Variants in FBXO40 observed in about 807,000 individuals in gnomAD.
The protein encoded by FBXO40 is F-box only protein 40.
Under a neutral mutation model 49.9 loss-of-function variants are expected in FBXO40, and 50 were observed. The observed-to-expected ratio is 1.00, with a 90% CI of 0.80 to 1.27. The LOEUF (loss-of-function observed/expected upper bound fraction) is 1.27. Among genes scored for constraint, FBXO40 ranks in the 50% most tolerant of loss-of-function variants. The pLI, the probability that FBXO40 is intolerant of heterozygous loss-of-function variation, is 0.00. For missense variants in FBXO40, 895 were observed against 870.1 expected (o/e 1.03, Z -0.36); for synonymous variants, 340 against 320.2 (o/e 1.06, Z -0.66).
rs2049041915 is a variant in FBXO40, at chr3:121,622,913, T to C, written c.1484T>C (p.Val495Ala). The C allele has an allele frequency of 3.1e-6, 5 of 1,614,076 alleles. No individual in the cohort carries two copies. Among genetic ancestry groups the C allele is most frequent in the African/African-American group, 1.3e-5 (1 of 74,930 alleles). Residue 495 changes from valine to alanine, a missense_variant, in exon 3 of 4, where the codon GTC becomes GCC. Val to Ala is a moderately conservative substitution (Grantham distance 64). Coordinates refer to ENST00000338040, the MANE Select transcript of FBXO40 (RefSeq NM_016298.4). ...RDEFPLHFKN[V>A]HTDIQSCLNG... Reference sequence around the variant, plus strand: ...GAGTTCCCCCTGCACTTCAAGAATGTCCACACAGACATTCAGTCATGTCTC... The same window carrying C: ...GAGTTCCCCCTGCACTTCAAGAATGCCCACACAGACATTCAGTCATGTCTC...
At chr3:121,618,386 G>GTTTTT (rs34900150) in intron 1 of FBXO40, among the ~76,000 whole-genome samples, 2 of 120,264 alleles carry the variant, frequency 1.7e-5, no homozygotes, top group African/African-American at 3.2e-5. Context: ...TTTCCTTCTT[G>GTTTTT]TTTTTTTTTT....
chr3:121,626,981 T>C lies in FBXO40; in HGVS notation c.*71T>C. The stretch of plus-strand genomic sequence containing the variant: ...AGTTCCTGAAGTAGGACAGAGTGTG[T>C]GGTTTTGAGGACTCCCTTCTGTAAA... On this transcript the variant is annotated 3_prime_UTR_variant, in exon 4 of 4. Coordinates refer to ENST00000338040, the MANE Select transcript of FBXO40 (RefSeq NM_016298.4). The C allele has an allele frequency of 1.4e-6, 2 of 1,464,628 alleles. No homozygotes were observed. The highest frequency in any genetic ancestry group is 9.5e-7 in the Non-Finnish European group (1 of 1,053,592). The allele number at this position is 1,464,628 out of a possible 1,614,324, so 90.7% of individuals were successfully genotyped here. A position where few individuals can be genotyped will look rare whatever the true frequency, so the allele number is the denominator to read the frequency against.
intron 1 of FBXO40, among the ~76,000 whole-genome samples, chr3:121,604,275 T>C (rs1187550136): frequency 6.6e-6 from 1 of 152,192 alleles, no homozygotes; most frequent in Non-Finnish European, 1.5e-5. Flanking sequence ...GGTCTGTAGG[T>C]TTGTAGGTCA....
chr3:121,615,611 C>G (rs1176675511), intron 1 of FBXO40, among the ~76,000 whole-genome samples: 5 of 148,826 alleles, frequency 3.4e-5, no homozygotes, highest in Non-Finnish European at 6.0e-5. Flanking sequence ...TATAAGGAAA[C>G]TATAAGGAGC....
At position 121,628,806 on chromosome 3, in the gene FBXO40, C is replaced by A. The variant is rs183181961; in HGVS notation, c.*1896C>A. 6.6e-6 allele frequency: 1 copy of A among 152,154 alleles called. No homozygotes were observed. Among genetic ancestry groups the A allele is most frequent in the African/African-American group, 2.4e-5 (1 of 41,442 alleles). 9.4% of individuals were successfully genotyped at this position (152,154 alleles called of 1,614,324 possible). A position where few individuals can be genotyped will look rare whatever the true frequency, so the allele number is the denominator to read the frequency against. ...AGTTGGGAACCAGAAGGAAATGATTCGTTTGGTATGGCTTCATGTCCTTCA... is the reference window on the plus strand; with the variant it reads ...AGTTGGGAACCAGAAGGAAATGATTAGTTTGGTATGGCTTCATGTCCTTCA... On this transcript the variant is annotated 3_prime_UTR_variant, in exon 4 of 4. Transcript: ENST00000338040.
In FBXO40 at chr3:121,627,951, C is replaced by T. The variant is rs951438337; in HGVS notation, c.*1041C>T. ...CCCATTGGGGTCTTGGAGAGGAAGACATGTGAACATAACGGCTCCCTGAAA... is the reference window on the plus strand; with the variant it reads ...CCCATTGGGGTCTTGGAGAGGAAGATATGTGAACATAACGGCTCCCTGAAA... On this transcript the variant is annotated 3_prime_UTR_variant, in exon 4 of 4. Coordinates refer to ENST00000338040, the MANE Select transcript of FBXO40 (RefSeq NM_016298.4). 3.8e-5 allele frequency: 15 copies of T among 398,520 alleles called. No homozygotes were observed. The highest frequency in any genetic ancestry group is 6.2e-5 in the Non-Finnish European group (14 of 226,094). The allele number at this position is 398,520 out of a possible 1,614,324, so 24.7% of individuals were successfully genotyped here. A position where few individuals can be genotyped will look rare whatever the true frequency, so the allele number is the denominator to read the frequency against.
At chr3:121,606,748 C>T (rs1576451383) in intron 1 of FBXO40, among the ~76,000 whole-genome samples, 1 of 152,166 alleles carries the variant, frequency 6.6e-6, no homozygotes, top group Non-Finnish European at 1.5e-5. Flanking sequence ...ATAGAGATAG[C>T]CAGGTCTCTG....
chr3:121,597,866 T>C (rs1320065895), intron 1 of FBXO40, among the ~76,000 whole-genome samples: 1 of 152,078 alleles, frequency 6.6e-6, no homozygotes, highest in African/African-American at 2.4e-5. Flanking sequence ...TTTCTCCATG[T>C]TGGCCAGGCT....
At chr3:121,615,200 C>CAAAAA (rs11448457) in intron 1 of FBXO40, among the ~76,000 whole-genome samples, 1 of 69,396 alleles carries the variant, frequency 1.4e-5, no homozygotes, top group African/African-American at 6.4e-5. Context: ...GAGAGCATCT[C>CAAAAA]AAAAAAAAAA....
In FBXO40 at chr3:121,621,943, G is replaced by T; in HGVS notation, c.514G>T (p.Ala172Ser). The change falls in exon 3 of 4, where the codon GCA becomes TCA. Residue 172 changes from alanine (A) to serine (S), a missense_variant. Transcript: ENST00000338040. ...AACCAGTGTGGAGGAAATGGGAGGA[G>T]CAGTGGGTGGAGTGGATATCGGTTT... ...GETSVEEMGG[A>S]VGGVDIGLVP... The T allele has an allele frequency of 6.2e-7, 1 of 1,614,242 alleles. No individual in the cohort carries two copies. Among genetic ancestry groups the T allele is most frequent in the Non-Finnish European group, 8.5e-7 (1 of 1,180,056 alleles).
intron 1 of FBXO40, among the ~76,000 whole-genome samples, chr3:121,602,233 T>C (rs1164931134): frequency 1.3e-5 from 2 of 152,170 alleles, no homozygotes; most frequent in East Asian, 3.8e-4. Flanking sequence ...ATGGCTCCAA[T>C]TTCTATTCTG....
chr3:121,613,581 T>C (rs1203810557), intron 1 of FBXO40, among the ~76,000 whole-genome samples: 2 of 152,234 alleles, frequency 1.3e-5, no homozygotes, highest in Non-Finnish European at 1.5e-5. Context: ...AAAAGTCTCC[T>C]GTCCTCCATT....
chr3:121,620,492 T>C lies in FBXO40; in HGVS notation c.-30-54T>C, dbSNP rs1016508899. 7 of 1,519,436 alleles carry C rather than the reference T, an allele frequency of 4.6e-6. No homozygotes were observed. The Admixed American group carries it at 6.7e-5, about 15-fold the overall frequency. 94.1% of individuals were successfully genotyped at this position (1,519,436 alleles called of 1,614,324 possible). On this transcript the variant is annotated intron_variant, in intron 1 of 3. Coordinates refer to ENST00000338040, the MANE Select transcript of FBXO40 (RefSeq NM_016298.4). ...GAAGTCTCTTTAGCCTCTATTAATA[T>C]AGGTAACCTAACTGTTTTTCTTACT... is the stretch of plus-strand genomic sequence containing the variant.
intron 1 of FBXO40, among the ~76,000 whole-genome samples, chr3:121,601,280 C>T (rs2048899801): frequency 6.6e-6 from 1 of 152,166 alleles, no homozygotes; most frequent in African/African-American, 2.4e-5. Flanking sequence ...TTCCCCCTTC[C>T]TTTCATTGTC....
Position 121,623,318 on chromosome 3 carries a change from G to C in FBXO40, c.1889G>C (p.Gly630Ala), listed in dbSNP as rs777291696. 9 of 1,613,904 alleles carry C rather than the reference G, an allele frequency of 5.6e-6. No individual in the cohort carries two copies. The highest frequency in any genetic ancestry group is 1.1e-5 in the South Asian group (1 of 91,054). The part of the protein sequence containing the change: ...QWKKKRYSHG[G>A]TSWRVHREIW... ...AAGAAAAAGAGGTATTCCCATGGAG[G>C]CACCTCCTGGAGAGTCCACAGAGAG... Residue 630 changes from glycine (G) to alanine (A), a missense_variant, in exon 3 of 4, where the codon GGC becomes GCC. Transcript: ENST00000338040.
rs759738356 is a variant in FBXO40, at chr3:121,622,394, G to A, written c.965G>A (p.Gly322Asp). Residue 322 changes from glycine to aspartate, a missense_variant, in exon 3 of 4, where the codon GGT becomes GAT. Gly to Asp is a moderately conservative substitution (Grantham distance 94, BLOSUM62 -1). Coordinates refer to ENST00000338040, the MANE Select transcript of FBXO40 (RefSeq NM_016298.4). ...VHNGRMLIHFGQMPACTPKER... is the reference protein window; with the variant it reads ...VHNGRMLIHFDQMPACTPKER... ...AATGGGCGGATGCTGATACACTTTG[G>A]TCAGATGCCTGCTTGTACACCCAAG... 1.2e-4 allele frequency: 188 copies of A among 1,614,088 alleles called. No individual in the cohort carries two copies. Among genetic ancestry groups the A allele is most frequent in the Non-Finnish European group, 1.5e-4 (181 of 1,180,046 alleles).
At chr3:121,626,420 G>A (rs1228087920) in intron 3 of FBXO40, among the ~76,000 whole-genome samples, 3 of 152,174 alleles carry the variant, frequency 2.0e-5, no homozygotes, top group African/African-American at 7.2e-5. Flanking sequence ...TTAATCACTT[G>A]CTGGTGGAGG....
rs1180111430 is a variant in FBXO40 at position 121,629,376 on chromosome 3, GAAGA to G, written c.*2467_*2470del. ...AGCTAACACTGCAGTGGGAAGGAAG[GAAGA>G]GAGTTGTCCAGGTGGTAGTTCGACG... On this transcript the variant is annotated 3_prime_UTR_variant, in exon 4 of 4. Coordinates refer to ENST00000338040, the MANE Select transcript of FBXO40 (RefSeq NM_016298.4). 1 of 152,214 alleles carries G rather than the reference GAAGA, an allele frequency of 6.6e-6. No homozygotes were observed. The allele number at this position is 152,214 out of a possible 1,614,324, so 9.4% of individuals were successfully genotyped here.
intron 1 of FBXO40, among the ~76,000 whole-genome samples, chr3:121,617,176 C>T (rs1430796769): frequency 6.6e-6 from 1 of 152,182 alleles, no homozygotes; most frequent in African/African-American, 2.4e-5. Context: ...ACGTTCCCAA[C>T]ACACAGAAAT....
Sources: gnomAD v4.1 joint callset for allele counts (sites outside exome capture counted in the v4.1 genomes callset) on GRCh38, gnomAD v4.1.1 for gene constraint, MANE v1.5 for transcripts, NCBI Gene and HGNC (gene_info 2026-07-23, HGNC 2026-07-21) for gene names.